The following AFG2A variants were observed in gnomAD, a reference collection of about 807,000 sequenced individuals.
AFG2A encodes AAA ATPase AFG2A, also known as ATPase family gene 2 protein homolog A.
chr4:122,941,159 AT>A, the AFG2A span, among the ~76,000 whole-genome samples: 2 of 151,548 alleles, frequency 1.3e-5, no homozygotes, highest in East Asian at 3.9e-4. Context: ...GTTTTTTCCA[AT>A]TCTGTGAAGA....
the AFG2A span, among the ~76,000 whole-genome samples, chr4:122,940,408 C>T: frequency 6.6e-6 from 1 of 152,260 alleles, no homozygotes; most frequent in East Asian, 1.9e-4. Flanking sequence ...TTTCATGTGT[C>T]TTTTGACTGC....
the AFG2A span, among the ~76,000 whole-genome samples, chr4:122,953,167 C>T: frequency 6.6e-6 from 1 of 152,142 alleles, no homozygotes; most frequent in African/African-American, 2.4e-5. Flanking sequence ...TTTCGCATTC[C>T]CCTTGGTCAC....
At chr4:122,986,718 C>T in the AFG2A span, among the ~76,000 whole-genome samples, 1 of 152,006 alleles carries the variant, frequency 6.6e-6, no homozygotes, top group Non-Finnish European at 1.5e-5. Flanking sequence ...TAACCAAATA[C>T]CACCTGTACC....
the AFG2A span, chr4:123,255,898 C>T: frequency 8.8e-7 from 1 of 1,139,416 alleles, no homozygotes; most frequent in Non-Finnish European, 1.2e-6. Flanking sequence ...GTTTTATTTA[C>T]CAATTACGAA....
the AFG2A span, among the ~76,000 whole-genome samples, chr4:123,295,318 C>A: frequency 2.6e-5 from 4 of 152,120 alleles, no homozygotes; most frequent in Non-Finnish European, 4.4e-5. Flanking sequence ...GGTAAAGAAG[C>A]CAGAAAAGGC....
the AFG2A span, among the ~76,000 whole-genome samples, chr4:123,208,184 A>G: frequency 6.6e-6 from 1 of 151,982 alleles, no homozygotes; most frequent in African/African-American, 2.4e-5. Context: ...AGACCATTCA[A>G]TGGGGAAATA....
chr4:123,062,275 T>C, the AFG2A span, among the ~76,000 whole-genome samples: 1 of 152,224 alleles, frequency 6.6e-6, no homozygotes, highest in Non-Finnish European at 1.5e-5. Flanking sequence ...TTCATTGTTA[T>C]GTAAACATCA....
At chr4:123,194,034 T>C in the AFG2A span, among the ~76,000 whole-genome samples, 1 of 152,206 alleles carries the variant, frequency 6.6e-6, no homozygotes, top group East Asian at 1.9e-4. Context: ...TTCCAATTCT[T>C]CCATCAGTCT....
the AFG2A span, among the ~76,000 whole-genome samples, chr4:123,084,361 C>T: frequency 6.6e-6 from 1 of 151,686 alleles, no homozygotes; most frequent in South Asian, 2.1e-4. Flanking sequence ...TTAGCTTGCT[C>T]TTCTAGTTGC....
At chr4:123,279,825 C>G in the AFG2A span, among the ~76,000 whole-genome samples, 2 of 152,102 alleles carry the variant, frequency 1.3e-5, no homozygotes, top group Non-Finnish European at 2.9e-5. Context: ...TAGAACTGAT[C>G]AGTTAGCTCA....
At chr4:123,073,923 C>T in the AFG2A span, among the ~76,000 whole-genome samples, 6 of 152,062 alleles carry the variant, frequency 3.9e-5, no homozygotes, top group African/African-American at 1.4e-4. Flanking sequence ...TCACTGATTG[C>T]AGAAGTTATT....
the AFG2A span, among the ~76,000 whole-genome samples, chr4:123,231,494 G>A: frequency 6.6e-6 from 1 of 151,830 alleles, no homozygotes; most frequent in African/African-American, 2.4e-5. Context: ...TGGTTGGTTT[G>A]ATCTTTTATC....
chr4:122,997,919 C>T, the AFG2A span, among the ~76,000 whole-genome samples: 1 of 152,014 alleles, frequency 6.6e-6, no homozygotes, highest in South Asian at 2.1e-4. Context: ...TTTTCATTTG[C>T]TTATTGACCA....
At chr4:123,247,020 C>T in the AFG2A span, among the ~76,000 whole-genome samples, 1 of 152,128 alleles carries the variant, frequency 6.6e-6, no homozygotes, top group Admixed American at 6.6e-5. Context: ...TTTCCATTTT[C>T]TGACCCATTT....
At chr4:122,957,732 G>T in the AFG2A span, among the ~76,000 whole-genome samples, 601 of 152,138 alleles carry the variant, frequency 4.0e-3, 2 homozygotes, top group African/African-American at 0.013. Flanking sequence ...TCTGTTTTTT[G>T]TTGTTGTTGT....
At chr4:123,046,490 GCATT>G in the AFG2A span, among the ~76,000 whole-genome samples, 1 of 151,966 alleles carries the variant, frequency 6.6e-6, no homozygotes, top group African/African-American at 2.4e-5. Flanking sequence ...AATGAGCTAC[GCATT>G]TATTTTTGTA....
the AFG2A span, among the ~76,000 whole-genome samples, chr4:122,968,108 G>A: frequency 5.9e-5 from 9 of 151,970 alleles, no homozygotes; most frequent in Non-Finnish European, 1.3e-4. Flanking sequence ...TTGAGTTAGT[G>A]TGGTACCTTT....
At chr4:123,289,593 G>A in the AFG2A span, among the ~76,000 whole-genome samples, 1 of 152,128 alleles carries the variant, frequency 6.6e-6, no homozygotes, top group South Asian at 2.1e-4. Flanking sequence ...TCTCCATATT[G>A]TTTTCCATAG....
the AFG2A span, among the ~76,000 whole-genome samples, chr4:122,985,770 T>A: frequency 6.6e-6 from 1 of 151,720 alleles, no homozygotes; most frequent in African/African-American, 2.4e-5. Context: ...TTCAATTTTA[T>A]TTCTTTCTGC....
Sources: gnomAD v4.1 joint callset for allele counts (sites outside exome capture counted in the v4.1 genomes callset) on GRCh38, gnomAD v4.1.1 for gene constraint, MANE v1.5 for transcripts, NCBI Gene and HGNC (gene_info 2026-07-23, HGNC 2026-07-21) for gene names.